The following MAPKAPK2 variants were observed in gnomAD, a reference collection of about 807,000 sequenced individuals.
MAPKAPK2 encodes MAP kinase-activated protein kinase 2.
Under a neutral mutation model 48.8 loss-of-function variants are expected in MAPKAPK2, and 9 were observed. The ratio of observed to expected loss-of-function variants is 0.18; its 90% CI spans 0.11 to 0.32. The LOEUF (loss-of-function observed/expected upper bound fraction) is 0.32. Ranked by LOEUF, MAPKAPK2 falls within the 10% of genes least tolerant of loss-of-function variation. The pLI, the probability that MAPKAPK2 is intolerant of heterozygous loss-of-function variation, is 1.00. For missense variants in MAPKAPK2, 331 were observed against 498.3 expected (o/e 0.66, Z 3.20); for synonymous variants, 202 against 190.6 (o/e 1.06, Z -0.49).
intron 1 of MAPKAPK2, among the ~76,000 whole-genome samples, chr1:206,707,394 C>G (rs1672997673): frequency 6.6e-6 from 1 of 151,804 alleles, no homozygotes; most frequent in South Asian, 2.1e-4. Context: ...TACATCTCTC[C>G]CTCTTCTTTA....
intron 1 of MAPKAPK2, among the ~76,000 whole-genome samples, chr1:206,722,703 C>G (rs1245719683): frequency 2.0e-5 from 3 of 152,218 alleles, no homozygotes; most frequent in Non-Finnish European, 4.4e-5. Context: ...GCCAACAGTA[C>G]TTAGCAGCCA....
At chr1:206,701,432 A>G (rs1359006300) in intron 1 of MAPKAPK2, among the ~76,000 whole-genome samples, 1 of 152,172 alleles carries the variant, frequency 6.6e-6, no homozygotes, top group Non-Finnish European at 1.5e-5. Flanking sequence ...TAATCCTGGT[A>G]GACACTTAGC....
Position 206,718,043 on chromosome 1 carries a change from G to A in MAPKAPK2, c.280-10667G>A, listed in dbSNP as rs558517466. ...ACAATAACAACAAAACTATAGAAAT[G>A]GGATTATGCTATATATTCTGTTCAG... is the stretch of plus-strand genomic sequence containing the variant. On this transcript the variant is annotated intron_variant, in intron 1 of 9. Coordinates refer to ENST00000367103, the MANE Select transcript of MAPKAPK2 (RefSeq NM_032960.4). Among the ~76,000 whole-genome samples, 11 of 152,124 alleles carry A rather than the reference G, an allele frequency of 7.2e-5. No homozygotes were observed. The South Asian group carries it at 2.3e-3, about 32-fold the overall frequency.
intron 1 of MAPKAPK2, among the ~76,000 whole-genome samples, chr1:206,706,992 C>T (rs1465161546): frequency 2.0e-5 from 3 of 152,164 alleles, no homozygotes; most frequent in Admixed American, 2.0e-4. Context: ...AGCTTGGCAG[C>T]CTTGCGGCTC....
Position 206,732,674 on chromosome 1 carries a change from C to T in MAPKAPK2, c.1159C>T (p.Arg387Trp). The T allele has an allele frequency of 1.9e-6, 3 of 1,614,186 alleles. No homozygotes were observed. Among genetic ancestry groups the T allele is most frequent in the Non-Finnish European group, 8.5e-7 (1 of 1,180,028 alleles). Residue 387 changes from arginine to tryptophan, a missense_variant, in exon 10 of 10, where the codon CGG becomes TGG. Arg to Trp is a moderately radical substitution (Grantham distance 101). Around this residue, in one of 4 missense-constraint regions of MAPKAPK2, gnomAD observed 124 missense variants for 194.6 expected, o/e 0.64. Coordinates refer to ENST00000367103, the MANE Select transcript of MAPKAPK2 (RefSeq NM_032960.4). The surrounding 1 kb of genome is among the most constrained non-coding windows in gnomAD (Gnocchi z 4.4). The stretch of plus-strand genomic sequence containing the variant: ...ATCCAACCCTCTGCTGCTGAAGAGG[C>T]GGAAGAAAGCTCGGGCCCTGGAGGC... ...DASNPLLLKR[R>W]KKARALEAAA...
intron 1 of MAPKAPK2, among the ~76,000 whole-genome samples, chr1:206,689,665 A>G (rs534639012): frequency 2.6e-5 from 4 of 152,366 alleles, no homozygotes; most frequent in African/African-American, 9.6e-5. Flanking sequence ...GGTGAAATTA[A>G]CACATGTAGG....
chr1:206,715,659 C>T (rs1380149345), intron 1 of MAPKAPK2, among the ~76,000 whole-genome samples: 2 of 142,082 alleles, frequency 1.4e-5, no homozygotes, highest in Non-Finnish European at 3.0e-5. Context: ...TAGGGTCTCA[C>T]TCTGTTGCCC....
In MAPKAPK2 at chr1:206,696,509, C is replaced by T. The variant is rs145656424; in HGVS notation, c.279+11001C>T. 3.5e-3 allele frequency among the ~76,000 whole-genome samples: 528 copies of T among 152,208 alleles called. 3 individuals carry two copies. Among genetic ancestry groups the T allele is most frequent in the South Asian group, 0.011 (51 of 4,820 alleles). Reference sequence around the variant, plus strand: ...TTTGAACTCAGGAGTTTGATATCAGCCTGGGCAACATAACAAGACCCCATC... The same window carrying T: ...TTTGAACTCAGGAGTTTGATATCAGTCTGGGCAACATAACAAGACCCCATC... On this transcript the variant is annotated intron_variant, in intron 1 of 9. Coordinates refer to ENST00000367103, the MANE Select transcript of MAPKAPK2 (RefSeq NM_032960.4).
chr1:206,691,482 G>GATTATATATATATATATATATAT (rs1553426251), intron 1 of MAPKAPK2, among the ~76,000 whole-genome samples: 1 of 77,294 alleles, frequency 1.3e-5, no homozygotes, highest in African/African-American at 4.4e-5. Flanking sequence ...TGTATTTTAA[G>GATTATATATATATATATATATAT]ATATATATAT....
At chr1:206,720,828 G>A (rs1478010145) in intron 1 of MAPKAPK2, among the ~76,000 whole-genome samples, 1 of 152,152 alleles carries the variant, frequency 6.6e-6, no homozygotes, top group Non-Finnish European at 1.5e-5. Context: ...AAATAGGATA[G>A]TATTCTAGAC....
At position 206,731,624 on chromosome 1, in the gene MAPKAPK2, CT is replaced by C. The variant is rs782339137; in HGVS notation, c.893-15del. On this transcript the variant is annotated splice_polypyrimidine_tract_variant and intron_variant, in intron 7 of 9. Transcript: ENST00000367103. The surrounding 1 kb of genome is among the most constrained non-coding windows in gnomAD (Gnocchi z 5.9). Reference sequence around the variant, plus strand: ...GTGACCCCTGAGCTGTCACTGCCCCCTGTCCCACCCCACAGTGAAGATGCTC... The same window carrying C: ...GTGACCCCTGAGCTGTCACTGCCCCCGTCCCACCCCACAGTGAAGATGCTC... 48 of 1,604,758 alleles carry C rather than the reference CT, an allele frequency of 3.0e-5. 1 individual carries two copies. Among genetic ancestry groups the C allele is most frequent in the South Asian group, 2.3e-4 (21 of 90,878 alleles).
In MAPKAPK2 at chr1:206,704,286, A is replaced by G. The variant is rs1420700465; in HGVS notation, c.279+18778A>G. 2.0e-5 allele frequency among the ~76,000 whole-genome samples: 3 copies of G among 152,146 alleles called. No individual in the cohort carries two copies. In the East Asian group the frequency reaches 5.8e-4, roughly 29 times the overall value. On this transcript the variant is annotated intron_variant, in intron 1 of 9. Coordinates refer to ENST00000367103, the MANE Select transcript of MAPKAPK2 (RefSeq NM_032960.4). This position sits in a 1 kb window ranked among gnomAD's most constrained non-coding sequence, Gnocchi z 4.3. Reference sequence around the variant, plus strand: ...GTCTCTCACTCGTTGTTACCTGTCCATTTGTTACCTGGCCCACGGATGGAG... The same window carrying G: ...GTCTCTCACTCGTTGTTACCTGTCCGTTTGTTACCTGGCCCACGGATGGAG...
chr1:206,716,454 T>G (rs1298185924), intron 1 of MAPKAPK2, among the ~76,000 whole-genome samples: 1 of 152,140 alleles, frequency 6.6e-6, no homozygotes, highest in African/African-American at 2.4e-5. Context: ...TTGTCTCCAG[T>G]CTTAGGCGTG....
chr1:206,728,659 G>T, intron 1 of MAPKAPK2, 51 bp from the exon 2 acceptor site: 2 of 1,589,972 alleles, frequency 1.3e-6, no homozygotes, highest in South Asian at 1.2e-5. Context: ...CAGGGGCTTA[G>T]AGCAGGCCCA....
chr1:206,729,144 G>A (rs1558588413), intron 3 of MAPKAPK2, 45 bp downstream of exon 3: 8 of 1,596,066 alleles, frequency 5.0e-6, no homozygotes, highest in Non-Finnish European at 6.9e-6. Flanking sequence ...AGGCAGGGCA[G>A]TGGGGGTCTG....
rs377542914 is a variant in MAPKAPK2, at chr1:206,705,563, C to T, written c.279+20055C>T. 1.9e-4 allele frequency among the ~76,000 whole-genome samples: 29 copies of T among 152,130 alleles called. 1 individual carries two copies. The East Asian group carries it at 2.5e-3, about 13-fold the overall frequency. On this transcript the variant is annotated intron_variant, in intron 1 of 9. Coordinates refer to ENST00000367103, the MANE Select transcript of MAPKAPK2 (RefSeq NM_032960.4). Reference sequence around the variant, plus strand: ...CCTTATCTCTCTGCCTTCTCCTTTCCGATGGGTGCAATTGTGTTGACTCTT... The same window carrying T: ...CCTTATCTCTCTGCCTTCTCCTTTCTGATGGGTGCAATTGTGTTGACTCTT...
rs1423076390 is a variant in MAPKAPK2 at position 206,709,393 on chromosome 1, G to A, written c.280-19317G>A. Among the ~76,000 whole-genome samples, 3 of 152,230 alleles carry A rather than the reference G, an allele frequency of 2.0e-5. No homozygotes were observed. In the East Asian group the frequency reaches 5.8e-4, roughly 29 times the overall value. On this transcript the variant is annotated intron_variant, in intron 1 of 9. Transcript: ENST00000367103. ...GCCCAGAACTGAGTTCTCGCTGCTC[G>A]ATGTGATCTACATGTGGATTCTAGG...
intron 1 of MAPKAPK2, among the ~76,000 whole-genome samples, chr1:206,723,258 A>C (rs1673595286): frequency 6.6e-6 from 1 of 152,202 alleles, no homozygotes. Flanking sequence ...AAATGGGTGT[A>C]ATGGAATCCC....
chr1:206,711,785 T>A (rs1673152682), intron 1 of MAPKAPK2, among the ~76,000 whole-genome samples: 1 of 151,768 alleles, frequency 6.6e-6, no homozygotes, highest in Non-Finnish European at 1.5e-5. Flanking sequence ...ACCCAGCTAG[T>A]TTTTTCTGTA....
Sources: allele counts gnomAD v4.1 joint callset (sites outside exome capture counted in the v4.1 genomes callset), GRCh38; gene constraint gnomAD v4.1.1; regional missense constraint gnomAD v4.1.1; non-coding constraint Gnocchi (gnomAD v3.1); transcripts MANE v1.5; gene names NCBI Gene and HGNC (gene_info 2026-07-23, HGNC 2026-07-21).